The following TSC22D1 variants were observed in gnomAD, a reference collection of about 807,000 sequenced individuals.
The protein encoded by TSC22D1 is TSC22 domain family protein 1.
In TSC22D1, 9 loss-of-function variants were observed where a neutral mutation model predicts 74.2. The ratio of observed to expected loss-of-function variants is 0.12; its 90% CI spans 0.07 to 0.21. The LOEUF is 0.21. TSC22D1 is among the 10% of genes least tolerant of loss of function. TSC22D1 has a pLI of 1.00. For synonymous variants in TSC22D1, 586 were observed against 492.5 expected, an observed-to-expected ratio of 1.19 and a Z score of -2.51; for missense variants, 1,427 against 1,304.7, an observed-to-expected ratio of 1.09 and a Z score of -1.44.
At chr13:44,443,076 C>T (rs1165035797) in intron 1 of TSC22D1, among the ~76,000 whole-genome samples, 4 of 149,722 alleles carry the variant, frequency 2.7e-5, no homozygotes, top group African/African-American at 9.8e-5. Flanking sequence ...TAATTTTCCT[C>T]ACATTTTACT....
intron 1 of TSC22D1, among the ~76,000 whole-genome samples, chr13:44,484,630 A>G (rs547382850): frequency 1.3e-5 from 2 of 152,224 alleles, no homozygotes; most frequent in African/African-American, 4.8e-5. Context: ...CATGATAAAC[A>G]TATTTAACAA....
chr13:44,564,930 A>G (rs1883272510), intron 1 of TSC22D1, among the ~76,000 whole-genome samples: 1 of 152,186 alleles, frequency 6.6e-6, no homozygotes, highest in Non-Finnish European at 1.5e-5. Flanking sequence ...AACTATCAAG[A>G]ATGACTCTCA....
At chr13:44,492,109 C>CAGAT (rs1478896813) in intron 1 of TSC22D1, among the ~76,000 whole-genome samples, 1 of 152,140 alleles carries the variant, frequency 6.6e-6, no homozygotes, top group Admixed American at 6.5e-5. Context: ...GAACAACATA[C>CAGAT]AGATGCTCCT....
intron 1 of TSC22D1, among the ~76,000 whole-genome samples, chr13:44,482,980 G>A (rs1878251427): frequency 6.6e-6 from 1 of 152,154 alleles, no homozygotes; most frequent in Non-Finnish European, 1.5e-5. Context: ...TTTAAACTCA[G>A]AGAATCTAAC....
intron 1 of TSC22D1, among the ~76,000 whole-genome samples, chr13:44,466,775 G>GAA (rs111450513): frequency 2.8e-5 from 4 of 144,804 alleles, no homozygotes; most frequent in African/African-American, 1.0e-4. Context: ...GTCTCAAAAA[G>GAA]AAAAAAAAAA....
chr13:44,437,945 G>T lies in TSC22D1; in HGVS notation c.2913-1850C>A, dbSNP rs1874873273. 2.0e-5 allele frequency among the ~76,000 whole-genome samples: 3 copies of T among 152,174 alleles called. No individual in the cohort carries two copies. In the South Asian group the frequency reaches 6.2e-4, roughly 32 times the overall value. ...TCTGTTTCACCCTCTTGGCCACACT[G>T]ACCAAATAATTCCCTTCTCCAAACC... is the stretch of plus-strand genomic sequence containing the variant. On this transcript the variant is annotated intron_variant, in intron 1 of 2. Coordinates refer to ENST00000458659, the MANE Select transcript of TSC22D1 (RefSeq NM_183422.4).
rs1298421676 is a variant in TSC22D1 at position 44,558,666 on chromosome 13, G to C, written c.2912+14497C>G. 2.6e-5 allele frequency among the ~76,000 whole-genome samples: 4 copies of C among 152,188 alleles called. No homozygotes were observed. In the East Asian group the frequency reaches 7.7e-4, roughly 29 times the overall value. ...GAGGCAGAAGAATCACTTGAACCCAGGAGGCAGAGGCTGCAGTGAGCCGAG... is the reference window on the plus strand; with the variant it reads ...GAGGCAGAAGAATCACTTGAACCCACGAGGCAGAGGCTGCAGTGAGCCGAG... On this transcript the variant is annotated intron_variant, in intron 1 of 2. Coordinates refer to ENST00000458659, the MANE Select transcript of TSC22D1 (RefSeq NM_183422.4).
intron 1 of TSC22D1, among the ~76,000 whole-genome samples, chr13:44,510,379 T>C (rs1352391219): frequency 6.6e-6 from 1 of 151,004 alleles, no homozygotes. Flanking sequence ...GCAACAAGAG[T>C]GAAACTCCGT....
At chr13:44,467,155 C>A (rs1381821461) in intron 1 of TSC22D1, among the ~76,000 whole-genome samples, 1 of 151,434 alleles carries the variant, frequency 6.6e-6, no homozygotes, top group Non-Finnish European at 1.5e-5. Context: ...GAGCAAGACT[C>A]CTTCTCAAAA....
At chr13:44,479,773 A>G (rs999520602) in intron 1 of TSC22D1, among the ~76,000 whole-genome samples, 2 of 152,258 alleles carry the variant, frequency 1.3e-5, no homozygotes, top group Non-Finnish European at 2.9e-5. Flanking sequence ...AAACAAGATT[A>G]GATAAAAGTT....
At chr13:44,435,058 G>T in intron 2 of TSC22D1, 175 bp from the exon 3 acceptor site, 1 of 608,470 alleles carries the variant, frequency 1.6e-6, no homozygotes, top group Non-Finnish European at 2.9e-6. Context: ...CAATACTTGA[G>T]TTTAACGTAT....
intron 1 of TSC22D1, among the ~76,000 whole-genome samples, chr13:44,504,906 G>A (rs1190995157): frequency 6.6e-6 from 1 of 152,092 alleles, no homozygotes; most frequent in Non-Finnish European, 1.5e-5. Flanking sequence ...ATCCCAGAAT[G>A]GTGCTTTTAA....
At chr13:44,441,800 A>C (rs1489465726) in intron 1 of TSC22D1, among the ~76,000 whole-genome samples, 1 of 152,200 alleles carries the variant, frequency 6.6e-6, no homozygotes, top group Non-Finnish European at 1.5e-5. Context: ...ACACTTCAAA[A>C]TAAAAGAAAG....
In TSC22D1 at chr13:44,575,306, G is replaced by C. The variant is rs1444041643; in HGVS notation, c.769C>G (p.Pro257Ala). 2 of 1,614,174 alleles carry C rather than the reference G, an allele frequency of 1.2e-6. No homozygotes were observed. Among genetic ancestry groups the C allele is most frequent in the Admixed American group, 3.3e-5 (2 of 60,026 alleles). The change falls in exon 1 of 3, where the codon CCA (proline) becomes GCA (alanine). Residue 257 changes from proline (P) to alanine (A), a missense_variant. Physicochemically the swap from Pro to Ala is conservative, Grantham distance 27 (BLOSUM62 -1). Coordinates refer to ENST00000458659, the MANE Select transcript of TSC22D1 (RefSeq NM_183422.4). ...GTTGTAGAGAGTTTTCTAGATACTG[G>C]GCTTGAGGGTGGCCCACCAGTAATG... is the stretch of plus-strand genomic sequence containing the variant. ...ASITGGPPSS[P>A]VSRKLSTTGS...
At chr13:44,491,188 G>C (rs1001028416) in intron 1 of TSC22D1, among the ~76,000 whole-genome samples, 1 of 150,254 alleles carries the variant, frequency 6.7e-6, no homozygotes, top group East Asian at 2.0e-4. Flanking sequence ...ACTAACAAAG[G>C]ACATCACAGA....
At position 44,573,381 on chromosome 13, in the gene TSC22D1, G is replaced by T. The variant is rs762420467; in HGVS notation, c.2694C>A (p.Ser898=). 2 of 1,614,144 alleles carry T rather than the reference G, an allele frequency of 1.2e-6. No homozygotes were observed. The highest frequency in any genetic ancestry group is 1.3e-5 in the African/African-American group (1 of 74,940). The stretch of plus-strand genomic sequence containing the variant: ...CAATTGCCTGAGCTAATGATTGTGC[G>T]GAGAACTGGGTAGAACTTAGTGGTA... ...QQIPLSSTQF[S]AQSLAQAIGS... Residue 898 remains serine (S), a synonymous_variant, in exon 1 of 3, where the codon TCC becomes TCA. Transcript: ENST00000458659.
intron 1 of TSC22D1, among the ~76,000 whole-genome samples, chr13:44,550,925 G>A (rs1882193785): frequency 6.6e-6 from 1 of 151,034 alleles, no homozygotes; most frequent in Non-Finnish European, 1.5e-5. Flanking sequence ...GGGTGACAAA[G>A]TGAGATCCAG....
intron 1 of TSC22D1, among the ~76,000 whole-genome samples, chr13:44,498,400 A>G (rs1438972905): frequency 6.6e-6 from 1 of 152,218 alleles, no homozygotes; most frequent in African/African-American, 2.4e-5. Flanking sequence ...TTCCCAAGTG[A>G]GCAACTTCCC....
At chr13:44,474,639 G>GCATCCATCCTT (rs1877793270) in intron 1 of TSC22D1, among the ~76,000 whole-genome samples, 1 of 152,004 alleles carries the variant, frequency 6.6e-6, no homozygotes, top group Non-Finnish European at 1.5e-5. Context: ...AAACAATAAG[G>GCATCCATCCTT]ATGCAAGAAT....
Sources: allele counts gnomAD v4.1 joint callset (sites outside exome capture counted in the v4.1 genomes callset), GRCh38; gene constraint gnomAD v4.1.1; transcripts MANE v1.5; gene names NCBI Gene and HGNC (gene_info 2026-07-23, HGNC 2026-07-21).